Variants in CYRIA observed in about 807,000 individuals in gnomAD.
CYRIA encodes the protein CYFIP related Rac1 interactor A.
Under a neutral mutation model 43.9 loss-of-function variants are expected in CYRIA, and 15 were observed. That is an observed-to-expected ratio of 0.34 (90% CI 0.23 to 0.53). The LOEUF (loss-of-function observed/expected upper bound fraction) is 0.53. CYRIA is among the 20% of genes least tolerant of loss of function. CYRIA has a pLI of 0.94. For synonymous variants in CYRIA, 117 were observed against 136.0 expected (o/e 0.86, Z 0.97); for missense variants, 236 against 394.2 (o/e 0.60, Z 3.40).
intron 3 of CYRIA, among the ~76,000 whole-genome samples, chr2:16,582,837 T>C (rs777693986): frequency 1.3e-5 from 2 of 152,216 alleles, no homozygotes; most frequent in Non-Finnish European, 1.5e-5. Context: ...TACAAATTCT[T>C]GTGTGGACAT....
rs1668390432 is a variant in CYRIA at position 16,606,195 on chromosome 2, C to T, written c.-11+17669G>A. Among the ~76,000 whole-genome samples, 5 of 152,062 alleles carry T rather than the reference C, an allele frequency of 3.3e-5. No homozygotes were observed. The South Asian group carries it at 1.0e-3, about 31-fold the overall frequency. The stretch of plus-strand genomic sequence containing the variant: ...CCTCACTTTCCACTCTTTCCAAAAT[C>T]TTCTCCTCTTCCCTCACCCAACAAA... On this transcript the variant is annotated intron_variant, in intron 2 of 11. Transcript: ENST00000381323.
At chr2:16,663,976 A>T (rs1186496090) in intron 1 of CYRIA, among the ~76,000 whole-genome samples, 1 of 152,156 alleles carries the variant, frequency 6.6e-6, no homozygotes, top group Non-Finnish European at 1.5e-5. Flanking sequence ...TGTGTGCTCA[A>T]ATCAATGTGA....
intron 2 of CYRIA, among the ~76,000 whole-genome samples, chr2:16,601,611 C>G (rs924966662): frequency 3.3e-5 from 5 of 151,264 alleles, no homozygotes; most frequent in Admixed American, 6.6e-5. Flanking sequence ...TTTCTTGGCT[C>G]TCAGTTCAAA....
chr2:16,614,755 C>G lies in CYRIA; in HGVS notation c.-11+9109G>C, dbSNP rs113683004. Among the ~76,000 whole-genome samples the G allele has an allele frequency of 4.7e-4, 71 of 152,346 alleles. 1 individual carries two copies. Among genetic ancestry groups the G allele is most frequent in the Middle Eastern group, 3.4e-3 (1 of 294 alleles). On this transcript the variant is annotated intron_variant, in intron 2 of 11. Coordinates refer to ENST00000381323, the MANE Select transcript of CYRIA (RefSeq NM_030797.4). ...TACACTGAGACGGAGCGTAGAGACA[C>G]CCGGTCACCTGCCACGTAGCAGCTG...
intron 2 of CYRIA, among the ~76,000 whole-genome samples, chr2:16,603,858 T>C (rs940973960): frequency 3.9e-5 from 6 of 152,218 alleles, no homozygotes; most frequent in Admixed American, 6.5e-5. Context: ...AAAGCCTACG[T>C]CATGAGCCTT....
intron 2 of CYRIA, among the ~76,000 whole-genome samples, chr2:16,602,024 G>A (rs757314398): frequency 2.0e-5 from 3 of 152,176 alleles, no homozygotes; most frequent in Non-Finnish European, 4.4e-5. Flanking sequence ...AAGCTCCTAG[G>A]AGATTTCTTT....
At chr2:16,578,766 G>C (rs1004869261) in intron 3 of CYRIA, among the ~76,000 whole-genome samples, 1 of 152,096 alleles carries the variant, frequency 6.6e-6, no homozygotes, top group Admixed American at 6.5e-5. Flanking sequence ...GAGTATCTGA[G>C]ATCTGTGAAG....
intron 2 of CYRIA, among the ~76,000 whole-genome samples, chr2:16,616,154 C>T (rs1445903276): frequency 3.3e-5 from 5 of 152,130 alleles, no homozygotes; most frequent in African/African-American, 1.2e-4. Flanking sequence ...AGAGTGGTGG[C>T]CTGCTCTGTC....
chr2:16,635,397 A>C (rs966731571), intron 1 of CYRIA, among the ~76,000 whole-genome samples: 1 of 152,236 alleles, frequency 6.6e-6, no homozygotes, highest in Non-Finnish European at 1.5e-5. Context: ...GCAGTGGTGT[A>C]AAACATTGCC....
intron 3 of CYRIA, among the ~76,000 whole-genome samples, chr2:16,586,671 C>T (rs958544030): frequency 1.3e-4 from 19 of 151,332 alleles, no homozygotes; most frequent in South Asian, 4.2e-4. Flanking sequence ...AATACACCTA[C>T]GGAGCTTACA....
intron 1 of CYRIA, among the ~76,000 whole-genome samples, chr2:16,626,320 C>T (rs961542096): frequency 2.6e-5 from 4 of 152,090 alleles, no homozygotes; most frequent in East Asian, 1.9e-4. Context: ...AAATACAGAC[C>T]CAATCCAGAG....
chr2:16,589,160 C>T (rs1667835722), intron 2 of CYRIA, among the ~76,000 whole-genome samples: 1 of 152,074 alleles, frequency 6.6e-6, no homozygotes, highest in African/African-American at 2.4e-5. Context: ...TGTAAGTGAA[C>T]TCTTGTGCCT....
Position 16,559,382 on chromosome 2 carries a change from G to A in CYRIA, c.837+78C>T, listed in dbSNP as rs1199000299. ...TCACTCTCAGTGGAGAGGTCCTGAGGTGCCTGAGGAAGAAAAACAAGGTCT... is the reference window on the plus strand; with the variant it reads ...TCACTCTCAGTGGAGAGGTCCTGAGATGCCTGAGGAAGAAAAACAAGGTCT... On this transcript the variant is annotated intron_variant, in intron 10 of 11. Transcript: ENST00000381323. 5 of 1,523,734 alleles carry A rather than the reference G, an allele frequency of 3.3e-6. No individual in the cohort carries two copies. In the South Asian group the frequency reaches 6.3e-5, roughly 19 times the overall value. The allele number at this position is 1,523,734 out of a possible 1,614,324, so 94.4% of individuals were successfully genotyped here.
intron 3 of CYRIA, among the ~76,000 whole-genome samples, chr2:16,576,908 A>G (rs1428991011): frequency 6.6e-6 from 1 of 152,226 alleles, no homozygotes; most frequent in Admixed American, 6.5e-5. Flanking sequence ...CAAAATAAAC[A>G]AGTAACAGCA....
chr2:16,549,481 T>C lies in CYRIA; in HGVS notation c.*3455A>G, dbSNP rs1054115702. On this transcript the variant is annotated 3_prime_UTR_variant, in exon 12 of 12. Transcript: ENST00000381323. ...GCATTTTTAAATATATGTACCAAAC[T>C]TTAATTTTCATTTCACACTCAAAAC... 6.6e-6 allele frequency: 1 copy of C among 152,046 alleles called. No homozygotes were observed. Among genetic ancestry groups the C allele is most frequent in the Non-Finnish European group, 1.5e-5 (1 of 68,000 alleles). The allele number at this position is 152,046 out of a possible 1,614,324, so 9.4% of individuals were successfully genotyped here. A position where few individuals can be genotyped will look rare whatever the true frequency, so the allele number is the denominator to read the frequency against.
intron 2 of CYRIA, among the ~76,000 whole-genome samples, chr2:16,611,219 G>C (rs1668592232): frequency 1.4e-5 from 2 of 148,006 alleles, no homozygotes; most frequent in Admixed American, 6.8e-5. Context: ...AAAAAAAATA[G>C]CTGGGTGTGG....
At chr2:16,575,966 C>G (rs1300086809) in intron 3 of CYRIA, among the ~76,000 whole-genome samples, 1 of 152,202 alleles carries the variant, frequency 6.6e-6, no homozygotes, top group Non-Finnish European at 1.5e-5. Context: ...AGGTAAGAGA[C>G]ATGACTTGCT....
At chr2:16,624,607 C>G (rs1299266127) in intron 1 of CYRIA, among the ~76,000 whole-genome samples, 2 of 149,644 alleles carry the variant, frequency 1.3e-5, no homozygotes, top group Non-Finnish European at 3.0e-5. Flanking sequence ...GGGCCCAGGT[C>G]TCTCTCTCTC....
In CYRIA at chr2:16,561,466, T is replaced by G; in HGVS notation, c.503A>C (p.Asn168Thr). Residue 168 changes from asparagine to threonine, a missense_variant, in exon 7 of 12, where the codon AAC (asparagine) becomes ACC (threonine). By Grantham distance (65) the Asn-to-Thr change is moderately conservative. Transcript: ENST00000381323. Reference protein sequence around the residue: ...YRRTISRNRINNMHLDIENEV... With the variant: ...YRRTISRNRITNMHLDIENEV... ...GACCCAGGGACTCACGTGCATGTTG[T>G]TGATGCGGTTGCGACTGATTGTTCT... The G allele has an allele frequency of 6.2e-7, 1 of 1,613,832 alleles. No individual in the cohort carries two copies. Among genetic ancestry groups the G allele is most frequent in the Non-Finnish European group, 8.5e-7 (1 of 1,179,774 alleles).
Sources: allele counts gnomAD v4.1 joint callset (sites outside exome capture counted in the v4.1 genomes callset), GRCh38; gene constraint gnomAD v4.1.1; transcripts MANE v1.5; gene names NCBI Gene and HGNC (gene_info 2026-07-23, HGNC 2026-07-21).